ITGB1: variants seen among roughly 807,000 people sequenced by gnomAD.
ITGB1 encodes the protein integrin subunit beta 1, also known as integrin beta-1.
ITGB1 carries 24 observed loss-of-function variants against 86.5 expected under a neutral mutation model. The observed-to-expected ratio is 0.28, with a 90% CI of 0.20 to 0.39. The LOEUF (loss-of-function observed/expected upper bound fraction) is 0.39, where lower values mean the gene tolerates loss of function less well. Among genes scored for constraint, ITGB1 ranks in the 10% least tolerant of loss-of-function variants. ITGB1 has a pLI of 1.00. For missense variants in ITGB1, 556 were observed against 946.9 expected, an observed-to-expected ratio of 0.59 and a Z score of 5.42; for synonymous variants, 323 against 316.8, an observed-to-expected ratio of 1.02 and a Z score of -0.21.
rs528392330 is a variant in ITGB1, at chr10:32,912,596, G to A, written c.1470-472C>T. Among the ~76,000 whole-genome samples, 560 of 152,306 alleles carry A rather than the reference G, an allele frequency of 3.7e-3. 3 individuals are homozygous for A. Among genetic ancestry groups the A allele is most frequent in the Middle Eastern group, 0.024 (7 of 294 alleles). ...CAGCAGTCTGAGATTGAACTGCAAG[G>A]CAGCAGGGAGGCCGAGGGAGGGGTA... On this transcript the variant is annotated intron_variant, in intron 11 of 15. Transcript: ENST00000302278.
chr10:32,951,718 T>G (rs2095042932), intron 1 of ITGB1: 1 of 152,224 alleles, frequency 6.6e-6, no homozygotes, highest in Non-Finnish European at 1.5e-5. Context: ...ATGCTGTTCC[T>G]TCTTTCCACT....
chr10:32,912,701 G>GGCCT (rs2094917383), intron 11 of ITGB1, among the ~76,000 whole-genome samples: 1 of 152,192 alleles, frequency 6.6e-6, no homozygotes, highest in Non-Finnish European at 1.5e-5. Context: ...AGCTCAAGGA[G>GGCCT]GCCTGCCTGC....
At chr10:32,927,725 C>T (rs752575151) in intron 5 of ITGB1, among the ~76,000 whole-genome samples, 9 of 150,080 alleles carry the variant, frequency 6.0e-5, no homozygotes, top group Non-Finnish European at 1.0e-4. Context: ...ACCCGGGAAG[C>T]GGAGGTTGCA....
At chr10:32,932,898 T>C (rs2094988543) in intron 2 of ITGB1, among the ~76,000 whole-genome samples, 1 of 152,130 alleles carries the variant, frequency 6.6e-6, no homozygotes, top group Non-Finnish European at 1.5e-5. Context: ...CCTTTATCCT[T>C]TGTGTTACAA....
chr10:32,930,181 A>T (rs11009151), intron 3 of ITGB1, 137 bp from the exon 4 acceptor site: 97,919 of 611,698 alleles, frequency 0.16, 8,507 homozygotes, highest in East Asian at 0.25. Flanking sequence ...TTTTAAACAA[A>T]ATGCTCCCTT....
At chr10:32,909,859 T>C (rs1459894871) in intron 14 of ITGB1, among the ~76,000 whole-genome samples, 3 of 152,150 alleles carry the variant, frequency 2.0e-5, no homozygotes, top group Non-Finnish European at 2.9e-5. Context: ...TAACAAATTA[T>C]CTTTCCCAGT....
chr10:32,939,042 C>T (rs1056726474), intron 1 of ITGB1, among the ~76,000 whole-genome samples: 1 of 152,180 alleles, frequency 6.6e-6, no homozygotes, highest in Non-Finnish European at 1.5e-5. Context: ...CCAAGTCCTA[C>T]GCCACAAAGC....
chr10:32,928,483 T>C (rs997506427), intron 4 of ITGB1, among the ~76,000 whole-genome samples: 2 of 152,078 alleles, frequency 1.3e-5, no homozygotes, highest in Middle Eastern at 6.3e-3. Flanking sequence ...GATGCAAAGA[T>C]AAAAAAGATA....
chr10:32,911,765 AC>A lies in ITGB1; in HGVS notation c.1709-96del. On this transcript the variant is annotated intron_variant, in intron 12 of 15. Transcript: ENST00000302278. Reference sequence around the variant, plus strand: ...TAAGCAACAACATGTGAGAAAGTATACCTAGGGGCGAGACTGACCCTCAAGC... The same window carrying A: ...TAAGCAACAACATGTGAGAAAGTATACTAGGGGCGAGACTGACCCTCAAGC... 5 of 1,455,882 alleles carry A rather than the reference AC, an allele frequency of 3.4e-6. No homozygotes were observed. In the South Asian group the frequency reaches 4.8e-5, roughly 14 times the overall value. 90.2% of individuals were successfully genotyped at this position (1,455,882 alleles called of 1,614,324 possible).
chr10:32,918,680 G>A (rs2094939592), intron 11 of ITGB1, among the ~76,000 whole-genome samples: 1 of 152,098 alleles, frequency 6.6e-6, no homozygotes, highest in African/African-American at 2.4e-5. Flanking sequence ...TGGAAAGGCA[G>A]AATAAACTTA....
In ITGB1 at chr10:32,925,958, A is replaced by G. The variant is rs1439127297; in HGVS notation, c.699T>C (p.Asn233=). 7.4e-6 allele frequency: 12 copies of G among 1,614,162 alleles called. No individual in the cohort carries two copies. The highest frequency in any genetic ancestry group is 5.0e-5 in the Admixed American group (3 of 60,024). ...ATATGCGCTGTTTTCCAACAAGTTC[A>G]TTAAATACTTCTCCTTTATTAGTAA... The part of the protein sequence containing the change: ...LSLTNKGEVF[N]ELVGKQRISG... Residue 233 remains asparagine (N), a synonymous_variant, in exon 6 of 16, where the codon AAT becomes AAC. Coordinates refer to ENST00000302278, the MANE Select transcript of ITGB1 (RefSeq NM_002211.4).
intron 4 of ITGB1, among the ~76,000 whole-genome samples, chr10:32,929,437 T>G (rs2094976169): frequency 6.6e-6 from 1 of 152,058 alleles, no homozygotes; most frequent in African/African-American, 2.4e-5. Context: ...CAGACATAAT[T>G]ACAAAAACCT....
chr10:32,936,725 G>A (rs1053169754), intron 1 of ITGB1, among the ~76,000 whole-genome samples: 14 of 152,086 alleles, frequency 9.2e-5, no homozygotes, highest in African/African-American at 3.4e-4. Context: ...GGTCAAAGAT[G>A]GCTACGGCCA....
Position 32,922,241 on chromosome 10 carries a change from T to C in ITGB1, c.1128+16A>G, listed in dbSNP as rs200466993. The C allele has an allele frequency of 1.4e-6, 2 of 1,478,510 alleles. No homozygotes were observed. The highest frequency in any genetic ancestry group is 1.9e-6 in the Non-Finnish European group (2 of 1,066,830). 91.6% of individuals were successfully genotyped at this position (1,478,510 alleles called of 1,614,324 possible). On this transcript the variant is annotated intron_variant, in intron 9 of 15. Transcript: ENST00000302278. ...AGGGTATTGTCCAAAACTGATCTTA[T>C]TTAAGATGTACTCACATTGTATGCA...
intron 1 of ITGB1, among the ~76,000 whole-genome samples, chr10:32,939,777 G>A (rs1412308082): frequency 6.6e-6 from 1 of 151,922 alleles, no homozygotes; most frequent in Non-Finnish European, 1.5e-5. Context: ...AGAGGGGCAA[G>A]TGAGTACACT....
At chr10:32,914,874 C>A (rs899580766) in intron 11 of ITGB1, among the ~76,000 whole-genome samples, 4 of 151,972 alleles carry the variant, frequency 2.6e-5, no homozygotes, top group African/African-American at 7.2e-5. Flanking sequence ...TCTTCTCAGC[C>A]CCACACCGCA....
chr10:32,937,823 T>C (rs986892094), intron 1 of ITGB1, among the ~76,000 whole-genome samples: 3 of 152,318 alleles, frequency 2.0e-5, no homozygotes, highest in Non-Finnish European at 4.4e-5. Flanking sequence ...TGCAATTATT[T>C]TTCTTGACAA....
chr10:32,916,779 G>T (rs531074141), intron 11 of ITGB1, among the ~76,000 whole-genome samples: 13 of 151,982 alleles, frequency 8.6e-5, no homozygotes, highest in African/African-American at 2.9e-4. Flanking sequence ...AGGTAATTTA[G>T]AGATTCAATG....
At chr10:32,906,009 AG>A (rs1241440391) in intron 15 of ITGB1, among the ~76,000 whole-genome samples, 1 of 152,168 alleles carries the variant, frequency 6.6e-6, no homozygotes. Flanking sequence ...AGATATGAAC[AG>A]TTACAAACTT....
Sources: gnomAD v4.1 joint callset for allele counts (sites outside exome capture counted in the v4.1 genomes callset) on GRCh38, gnomAD v4.1.1 for gene constraint, MANE v1.5 for transcripts, NCBI Gene and HGNC (gene_info 2026-07-23, HGNC 2026-07-21) for gene names.